SLC25A30: variants seen among roughly 807,000 people sequenced by gnomAD.
SLC25A30 encodes solute carrier family 25 member 30, also known as kidney mitochondrial carrier protein 1.
A neutral mutation model predicts 42.7 loss-of-function variants in SLC25A30; 29 were observed. That is an observed-to-expected ratio of 0.68 (90% CI 0.51 to 0.93). The LOEUF is 0.93. Ranked by LOEUF, SLC25A30 falls within the 40% of genes least tolerant of loss-of-function variation. The pLI is 0.00. For synonymous variants in SLC25A30, 124 were observed against 131.0 expected, an observed-to-expected ratio of 0.95 and a Z score of 0.37; for missense variants, 300 against 359.7, an observed-to-expected ratio of 0.83 and a Z score of 1.34.
chr13:45,416,990 A>T (rs1010773484), intron 1 of SLC25A30, among the ~76,000 whole-genome samples: 1 of 152,098 alleles, frequency 6.6e-6, no homozygotes, highest in Non-Finnish European at 1.5e-5. Context: ...AGCTGTTCGT[A>T]CTTTTGAACG....
At chr13:45,403,214 T>C (rs1882165581) in intron 5 of SLC25A30, among the ~76,000 whole-genome samples, 1 of 152,230 alleles carries the variant, frequency 6.6e-6, no homozygotes, top group South Asian at 2.1e-4. Context: ...GTACCTTGTA[T>C]TTCTTCCTTA....
the SLC25A30 span, among the ~76,000 whole-genome samples, chr13:45,423,859 T>TAAATATATAA: frequency 9.7e-5 from 7 of 72,334 alleles, no homozygotes; most frequent in African/African-American, 3.6e-4. Context: ...AATATATATA[T>TAAATATATAA]AAATATATAT....
chr13:45,430,611 G>A, the SLC25A30 span, among the ~76,000 whole-genome samples: 1 of 151,992 alleles, frequency 6.6e-6, no homozygotes, highest in East Asian at 1.9e-4. Flanking sequence ...TTTGAAACCA[G>A]CCTGGGCAAC....
intron 9 of SLC25A30, 171 bp from the exon 10 acceptor site, chr13:45,396,186 A>G: frequency 6.7e-7 from 1 of 1,483,262 alleles, no homozygotes; most frequent in Non-Finnish European, 8.9e-7. Flanking sequence ...ACTATCTTCC[A>G]AGGTCAGCTT....
At chr13:45,429,901 G>A in the SLC25A30 span, among the ~76,000 whole-genome samples, 5 of 151,772 alleles carry the variant, frequency 3.3e-5, no homozygotes, top group African/African-American at 1.2e-4. Flanking sequence ...AGGCCAGATT[G>A]GAGCAGGAGT....
At chr13:45,411,610 C>T (rs955680923) in intron 1 of SLC25A30, 130 bp from the exon 2 acceptor site, 1 of 603,080 alleles carries the variant, frequency 1.7e-6, no homozygotes, top group African/African-American at 1.8e-5. Context: ...CCAAGGGGAG[C>T]CTCCCCTTAA....
chr13:45,408,807 A>C, intron 3 of SLC25A30, 120 bp downstream of exon 3: 1 of 787,504 alleles, frequency 1.3e-6, no homozygotes, highest in Non-Finnish European at 1.9e-6. Flanking sequence ...CTGTCATGCT[A>C]TTTGTTCTTT....
chr13:45,430,717 G>A, the SLC25A30 span, among the ~76,000 whole-genome samples: 1 of 152,256 alleles, frequency 6.6e-6, no homozygotes, highest in South Asian at 2.1e-4. Context: ...TGAGGTGGGA[G>A]CATCACTTGA....
At chr13:45,403,071 C>T (rs530901482) in intron 5 of SLC25A30, among the ~76,000 whole-genome samples, 7 of 152,258 alleles carry the variant, frequency 4.6e-5, no homozygotes, top group African/African-American at 1.4e-4. Flanking sequence ...TATTGCCACA[C>T]GAACGTGGGA....
chr13:45,416,135 C>A (rs546668091), intron 1 of SLC25A30, among the ~76,000 whole-genome samples: 1 of 149,700 alleles, frequency 6.7e-6, no homozygotes, highest in African/African-American at 2.4e-5. Flanking sequence ...AGGCCGGGCA[C>A]GGTGGCTCAT....
the SLC25A30 span, among the ~76,000 whole-genome samples, chr13:45,424,159 A>G: frequency 4.0e-5 from 4 of 100,086 alleles, no homozygotes; most frequent in Admixed American, 1.6e-4. Context: ...GTATATATAT[A>G]GAAATATATC....
At chr13:45,423,795 T>TATATAA in the SLC25A30 span, among the ~76,000 whole-genome samples, 18 of 64,368 alleles carry the variant, frequency 2.8e-4, no homozygotes, top group African/African-American at 1.1e-3. Flanking sequence ...AATATATAAA[T>TATATAA]ATATATTTAT....
chr13:45,411,676 T>G, intron 1 of SLC25A30, 196 bp from the exon 2 acceptor site: 1 of 494,642 alleles, frequency 2.0e-6, no homozygotes, highest in African/African-American at 1.9e-5. Context: ...CAATCTTACT[T>G]TATCAGTGAT....
Position 45,394,720 on chromosome 13 carries a change from CTTA to C in SLC25A30, c.*1251_*1253del, listed in dbSNP as rs1225341053. On this transcript the variant is annotated 3_prime_UTR_variant, in exon 10 of 10. Transcript: ENST00000519676. ...AAGAAAAAAAGAAGAGGGAGAATGA[CTTA>C]TTGTGTCTACAGAAGGAAAGAAAAA... 1 of 984,946 alleles carries C rather than the reference CTTA, an allele frequency of 1.0e-6. No homozygotes were observed. The highest frequency in any genetic ancestry group is 1.1e-4 in the East Asian group (1 of 8,824). 61.0% of individuals were successfully genotyped at this position (984,946 alleles called of 1,614,324 possible).
chr13:45,401,039 T>G (rs1881917735), intron 7 of SLC25A30, 44 bp downstream of exon 7: 2 of 1,501,306 alleles, frequency 1.3e-6, no homozygotes, highest in Non-Finnish European at 1.8e-6. Flanking sequence ...TAATAAACTT[T>G]CTTTAGAATT....
chr13:45,416,444 A>G (rs939096599), intron 1 of SLC25A30, among the ~76,000 whole-genome samples: 2 of 151,904 alleles, frequency 1.3e-5, no homozygotes, highest in Non-Finnish European at 2.9e-5. Context: ...AATACAAAAA[A>G]AAGTGAAAAA....
Position 45,399,059 on chromosome 13 carries a change from GACC to G in SLC25A30, c.631_633del (p.Gly211del), listed in dbSNP as rs761215325. The G allele has an allele frequency of 6.2e-7, 1 of 1,607,884 alleles. No individual in the cohort carries two copies. Among genetic ancestry groups the G allele is most frequent in the Non-Finnish European group, 8.5e-7 (1 of 1,178,072 alleles). ...GGGTTTGAGGCCAGGGCCCCTGCCA[GACC>G]ACAGGTGAAGCTTGAGCTATAAAGA... On this transcript the variant is annotated inframe_deletion, in exon 8 of 10. Coordinates refer to ENST00000519676, the MANE Select transcript of SLC25A30 (RefSeq NM_001010875.4).
At chr13:45,400,956 AATAAGGACTTCTACCTG>A in intron 7 of SLC25A30, 110 bp downstream of exon 7, 2 of 756,602 alleles carry the variant, frequency 2.6e-6, no homozygotes, top group Non-Finnish European at 4.1e-6. Flanking sequence ...TATGTAGAGG[AATAAGGACTTCTACCTG>A]GTCCTGCTTC....
chr13:45,396,039 C>T (rs762693244), intron 9 of SLC25A30, 24 bp from the exon 10 acceptor site: 21 of 1,614,054 alleles, frequency 1.3e-5, no homozygotes, highest in Non-Finnish European at 1.8e-5. Flanking sequence ...TTAAGGATGA[C>T]ACAGAAAATG....
Sources: gnomAD v4.1 joint callset for allele counts (sites outside exome capture counted in the v4.1 genomes callset) on GRCh38, gnomAD v4.1.1 for gene constraint, MANE v1.5 for transcripts, NCBI Gene and HGNC (gene_info 2026-07-23, HGNC 2026-07-21) for gene names.